The following JADE3 variants were observed in gnomAD, a reference collection of about 807,000 sequenced individuals.
JADE3 encodes the protein jade family PHD finger 3, also known as protein Jade-3.
A neutral mutation model predicts 50.1 loss-of-function variants in JADE3; 2 were observed. The observed-to-expected ratio is 0.04, with a 90% CI of 0.02 to 0.13. The LOEUF is 0.13. Ranked by LOEUF, JADE3 falls within the 10% of genes least tolerant of loss-of-function variation. The probability of loss-of-function intolerance (pLI) is 1.00; values close to 1 mark genes in which losing one functional copy is unlikely to be tolerated. For synonymous variants in JADE3, 218 were observed against 232.9 expected, an observed-to-expected ratio of 0.94 and a Z score of 0.58; for missense variants, 475 against 634.4, an observed-to-expected ratio of 0.75 and a Z score of 2.70.
At chrX:46,992,797 A>G (rs1396540406) in intron 3 of JADE3, among the ~76,000 whole-genome samples, 1 of 111,756 alleles carries the variant, frequency 8.9e-6, no homozygotes, top group Non-Finnish European at 1.9e-5. Context: ...TTTCTTTGAT[A>G]TTTAGTGTAT....
chrX:46,980,953 G>A (rs1377187961), intron 1 of JADE3, among the ~76,000 whole-genome samples: 1 of 111,660 alleles, frequency 9.0e-6, no homozygotes, highest in Non-Finnish European at 1.9e-5. Flanking sequence ...AGAAGGGTCA[G>A]AGAATGAGAT....
chrX:46,929,957 T>G (rs1602372638), intron 1 of JADE3, among the ~76,000 whole-genome samples: 1 of 112,296 alleles, frequency 8.9e-6, no homozygotes, highest in African/African-American at 3.2e-5. Flanking sequence ...AACACTCATT[T>G]ACCCAGATGG....
At chrX:46,917,765 TTCTCTC>T (rs781969667) in intron 1 of JADE3, among the ~76,000 whole-genome samples, 14 of 90,296 alleles carry the variant, frequency 1.6e-4, no homozygotes, top group African/African-American at 5.5e-4. Context: ...AGGTGTTTCT[TTCTCTC>T]TCTCTCTCTC....
rs901671721 is a variant in JADE3, at chrX:46,998,076, T to G, written c.127-44T>G. On this transcript the variant is annotated intron_variant, in intron 3 of 10. Coordinates refer to ENST00000614628, the MANE Select transcript of JADE3 (RefSeq NM_014735.5). ...AAGGAGAACATTGAATGGTATCAGT[T>G]GCATAGTGATGGTCTTCTCAAGATA... 2.7e-6 allele frequency: 3 copies of G among 1,091,823 alleles called. No individual in the cohort carries two copies. In the African/African-American group the frequency reaches 5.4e-5, roughly 20 times the overall value. The allele number at this position is 1,091,823 out of a possible 1,213,427, so 90.0% of individuals were successfully genotyped here.
At chrX:46,970,744 G>A (rs1217741238) in intron 1 of JADE3, among the ~76,000 whole-genome samples, 4 of 111,543 alleles carry the variant, frequency 3.6e-5, no homozygotes, top group African/African-American at 1.3e-4. Context: ...CACATATAAG[G>A]CATGTTACGT....
intron 1 of JADE3, among the ~76,000 whole-genome samples, chrX:46,946,869 C>G (rs782210708): frequency 5.0e-4 from 56 of 112,101 alleles, no homozygotes; most frequent in African/African-American, 1.8e-3. Context: ...TACTATCTCT[C>G]TGTCTTTGGG....
rs373224256 is a variant in JADE3 at position 46,919,594 on chromosome X, T to A, written c.-12+6875T>A. The stretch of plus-strand genomic sequence containing the variant: ...AATTTGGGGCATCAGCCTTTGACCT[T>A]TGCTTGTGAAGATCTCAGAAGTAAC... On this transcript the variant is annotated intron_variant, in intron 1 of 10. Coordinates refer to ENST00000614628, the MANE Select transcript of JADE3 (RefSeq NM_014735.5). 2.7e-5 allele frequency among the ~76,000 whole-genome samples: 3 copies of A among 111,845 alleles called. No individual in the cohort carries two copies. The East Asian group carries it at 8.4e-4, about 31-fold the overall frequency.
rs1275258731 is a variant in JADE3 at position 47,059,608 on chromosome X, A to C, written c.*531A>C. ...CTACTGTCTTCCTTTGTTCTGCACA[A>C]GGTTGAGTTTCTTTCACAGTATCTT... On this transcript the variant is annotated 3_prime_UTR_variant, in exon 11 of 11. Transcript: ENST00000614628. The C allele has an allele frequency of 8.9e-6, 1 of 112,521 alleles. No homozygotes were observed. Among genetic ancestry groups the C allele is most frequent in the Non-Finnish European group, 1.9e-5 (1 of 53,608 alleles). The allele number at this position is 112,521 out of a possible 1,213,427, so 9.3% of individuals were successfully genotyped here.
rs185773751 is a variant in JADE3 at position 47,016,526 on chromosome X, G to C, written c.285-8198G>C. On this transcript the variant is annotated intron_variant, in intron 4 of 10. Coordinates refer to ENST00000614628, the MANE Select transcript of JADE3 (RefSeq NM_014735.5). ...GTGCTCATTTCAAAGCCTAGGCTCA[G>C]AAACTGACACAGTATTACTTGCACT... Among the ~76,000 whole-genome samples the C allele has an allele frequency of 5.5e-3, 615 of 111,602 alleles. 5 individuals are homozygous for C. Among genetic ancestry groups the C allele is most frequent in the Non-Finnish European group, 7.2e-3 (383 of 53,143 alleles).
At chrX:47,036,436 A>G (rs1929134064) in intron 7 of JADE3, among the ~76,000 whole-genome samples, 1 of 110,853 alleles carries the variant, frequency 9.0e-6, no homozygotes, top group African/African-American at 3.3e-5. Context: ...TAGAATGGCA[A>G]TCATTAAAAA....
chrX:46,960,470 T>G (rs1927235525), intron 1 of JADE3, among the ~76,000 whole-genome samples: 1 of 111,861 alleles, frequency 8.9e-6, no homozygotes, highest in South Asian at 3.7e-4. Flanking sequence ...AGTCAGAGGG[T>G]GCCTATGTGA....
chrX:47,058,327 C>T lies in JADE3; in HGVS notation c.1722C>T (p.His574=). 2.5e-6 allele frequency: 3 copies of T among 1,211,085 alleles called. No individual in the cohort carries two copies. Among genetic ancestry groups the T allele is most frequent in the Non-Finnish European group, 3.4e-6 (3 of 895,291 alleles). Residue 574 remains histidine (H), a synonymous_variant, in exon 11 of 11, where the codon CAC becomes CAT. Transcript: ENST00000614628. ...PHSPDSSSSV[H]SIRNMQVPQE... is the part of the protein sequence containing the mutation. ...CTCCTGACAGCAGCTCATCTGTTCA[C>T]AGTATAAGGAACATGCAGGTGCCTC...
chrX:47,054,504 G>T lies in JADE3; in HGVS notation c.1319G>T (p.Ser440Ile). The change falls in exon 9 of 11, where the codon AGT becomes ATT. Residue 440 changes from serine to isoleucine, a missense_variant. By Grantham distance (142) the Ser-to-Ile change is moderately radical (BLOSUM62 -2). Transcript: ENST00000614628. Reference sequence around the variant, plus strand: ...AACTACTGGAAACTGAAGCGGAAAAGTAACTTCAATAAGCCATTATTTCCT... The same window carrying T: ...AACTACTGGAAACTGAAGCGGAAAATTAACTTCAATAAGCCATTATTTCCT... ...IYNYWKLKRK[S>I]NFNKPLFPPK... 8.3e-7 allele frequency: 1 copy of T among 1,210,285 alleles called. No homozygotes were observed. The highest frequency in any genetic ancestry group is 1.1e-6 in the Non-Finnish European group (1 of 893,990).
chrX:46,917,880 TCTCTC>T (rs1569533790), intron 1 of JADE3, among the ~76,000 whole-genome samples: 1 of 100,082 alleles, frequency 1.0e-5, no homozygotes, highest in Non-Finnish European at 2.0e-5. Flanking sequence ...TCTCTCTCTC[TCTCTC>T]ATCCTCTCTC....
chrX:46,918,484 G>A (rs1556337071), intron 1 of JADE3, among the ~76,000 whole-genome samples: 1 of 112,286 alleles, frequency 8.9e-6, no homozygotes, highest in Admixed American at 9.4e-5. Flanking sequence ...GGTACTAGAA[G>A]TTTTTCTGTT....
chrX:46,936,221 G>A (rs1432161238), intron 1 of JADE3, among the ~76,000 whole-genome samples: 3 of 110,604 alleles, frequency 2.7e-5, no homozygotes, highest in Non-Finnish European at 5.7e-5. Flanking sequence ...GTTTCGCCAT[G>A]TTGGCCAAGC....
In JADE3 at chrX:47,058,676, G is replaced by C; in HGVS notation, c.2071G>C (p.Glu691Gln). ...CTCGAGTGAGATGTTCTGTGACCAG[G>C]AGCCTGTGTTCAGCCCCCACTTGGT... is the stretch of plus-strand genomic sequence containing the variant. Reference protein sequence around the residue: ...DSSSEMFCDQEPVFSPHLVSQ... With the variant: ...DSSSEMFCDQQPVFSPHLVSQ... The change falls in exon 11 of 11, where the codon GAG becomes CAG. Residue 691 changes from glutamate to glutamine, a missense_variant. By Grantham distance (29) the Glu-to-Gln change is conservative. Transcript: ENST00000614628. 3 of 1,211,641 alleles carry C rather than the reference G, an allele frequency of 2.5e-6. No individual in the cohort carries two copies. The highest frequency in any genetic ancestry group is 3.4e-6 in the Non-Finnish European group (3 of 895,475).
chrX:46,933,501 A>C (rs1212583371), intron 1 of JADE3, among the ~76,000 whole-genome samples: 4 of 112,427 alleles, frequency 3.6e-5, no homozygotes, highest in Non-Finnish European at 7.5e-5. Context: ...ATTCTGAGTC[A>C]GCTTGACAAC....
At chrX:46,926,792 A>G (rs1926380156) in intron 1 of JADE3, among the ~76,000 whole-genome samples, 1 of 112,337 alleles carries the variant, frequency 8.9e-6, no homozygotes, top group Non-Finnish European at 1.9e-5. Flanking sequence ...TTCCTCTCTC[A>G]GGGTAATGCT....
Sources: allele counts gnomAD v4.1 joint callset (sites outside exome capture counted in the v4.1 genomes callset), GRCh38; gene constraint gnomAD v4.1.1; transcripts MANE v1.5; gene names NCBI Gene and HGNC (gene_info 2026-07-23, HGNC 2026-07-21).